C1orf21: variants seen among roughly 807,000 people sequenced by gnomAD.
The protein encoded by C1orf21 is chromosome 1 open reading frame 21.
A neutral mutation model predicts 18.7 loss-of-function variants in C1orf21; 3 were observed. That is an observed-to-expected ratio of 0.16 (90% CI 0.07 to 0.42). The LOEUF is 0.42. C1orf21 is among the 10% of genes least tolerant of loss of function. The pLI is 0.99. For missense variants in C1orf21, 104 were observed against 143.6 expected (o/e 0.72, Z 1.41); for synonymous variants, 41 against 46.4 (o/e 0.88, Z 0.47).
chr1:184,601,548 C>G (rs1214919988), intron 5 of C1orf21, among the ~76,000 whole-genome samples: 1 of 152,132 alleles, frequency 6.6e-6, no homozygotes, highest in African/African-American at 2.4e-5. Context: ...CACAGCTGAA[C>G]AAGTGGTTTT....
chr1:184,624,836 C>T lies in C1orf21; in HGVS notation c.*5280C>T, dbSNP rs1358581453. ...GTTCCTCTTCTTGCTTCTTGAATCA[C>T]ATCCTCTAAAGATGACTCATGTCTC... On this transcript the variant is annotated 3_prime_UTR_variant, in exon 6 of 6. Transcript: ENST00000235307. The T allele has an allele frequency of 6.6e-6, 1 of 152,226 alleles. No homozygotes were observed. The highest frequency in any genetic ancestry group is 2.4e-5 in the African/African-American group (1 of 41,452). 9.4% of individuals were successfully genotyped at this position (152,226 alleles called of 1,614,324 possible). A position where few individuals can be genotyped will look rare whatever the true frequency, so the allele number is the denominator to read the frequency against.
intron 2 of C1orf21, among the ~76,000 whole-genome samples, chr1:184,481,922 A>G (rs909258539): frequency 6.6e-6 from 1 of 152,226 alleles, no homozygotes; most frequent in African/African-American, 2.4e-5. Flanking sequence ...TGACGAGTTA[A>G]GGTCTTGTCT....
intron 4 of C1orf21, among the ~76,000 whole-genome samples, chr1:184,592,936 T>C (rs1659459853): frequency 6.6e-6 from 1 of 152,312 alleles, no homozygotes; most frequent in South Asian, 2.1e-4. Flanking sequence ...ATGCGGCTGA[T>C]GTTTTCACCC....
chr1:184,424,897 C>G (rs543384609), intron 1 of C1orf21, among the ~76,000 whole-genome samples: 12 of 152,164 alleles, frequency 7.9e-5, no homozygotes, highest in African/African-American at 2.9e-4. Flanking sequence ...ATAGTATTTG[C>G]GAGCACATGT....
chr1:184,389,127 G>T (rs1655932553), intron 1 of C1orf21, among the ~76,000 whole-genome samples: 1 of 152,042 alleles, frequency 6.6e-6, no homozygotes, highest in Non-Finnish European at 1.5e-5. Context: ...ATGCAGCGTT[G>T]AAAGAGGATG....
At chr1:184,462,534 C>A (rs1657323010) in intron 1 of C1orf21, among the ~76,000 whole-genome samples, 1 of 152,096 alleles carries the variant, frequency 6.6e-6, no homozygotes, top group Non-Finnish European at 1.5e-5. Flanking sequence ...TAGGAGGTCT[C>A]TTGACATTCT....
At chr1:184,608,715 C>T (rs577999969) in intron 5 of C1orf21, among the ~76,000 whole-genome samples, 1 of 152,296 alleles carries the variant, frequency 6.6e-6, no homozygotes, top group Non-Finnish European at 1.5e-5. Context: ...CCAAAGTGCT[C>T]ATTCCCAGAA....
rs144722885 is a variant in C1orf21 at position 184,401,395 on chromosome 1, A to G, written c.-125+14027A>G. 7.0e-3 allele frequency among the ~76,000 whole-genome samples: 1,068 copies of G among 151,496 alleles called. 9 individuals carry two copies. The highest frequency in any genetic ancestry group is 0.024 in the African/African-American group (1,010 of 41,226). On this transcript the variant is annotated intron_variant, in intron 1 of 5. Transcript: ENST00000235307. The stretch of plus-strand genomic sequence containing the variant: ...ACCACCATGCCCTGCTAATTTTTGT[A>G]TTTTTCGTAAAGACGGGGTTTCGCC...
At chr1:184,612,695 A>G (rs1659755452) in intron 5 of C1orf21, among the ~76,000 whole-genome samples, 1 of 152,202 alleles carries the variant, frequency 6.6e-6, no homozygotes, top group African/African-American at 2.4e-5. Context: ...AACAAAAAAA[A>G]GCCCACTGAA....
At chr1:184,401,011 A>G (rs1368325774) in intron 1 of C1orf21, among the ~76,000 whole-genome samples, 1 of 152,182 alleles carries the variant, frequency 6.6e-6, no homozygotes, top group Non-Finnish European at 1.5e-5. Context: ...CCAATAGAAA[A>G]ACATTGTACA....
At chr1:184,556,154 G>A (rs1022463633) in intron 3 of C1orf21, among the ~76,000 whole-genome samples, 1 of 152,062 alleles carries the variant, frequency 6.6e-6, no homozygotes, top group Admixed American at 6.6e-5. Flanking sequence ...GATTCTCATG[G>A]GGTTTTATTT....
chr1:184,579,549 C>T (rs1191576088), intron 3 of C1orf21, among the ~76,000 whole-genome samples: 6 of 129,984 alleles, frequency 4.6e-5, no homozygotes, highest in East Asian at 2.3e-4. Context: ...TCACTCTTGT[C>T]GCCCAGGCTG....
At chr1:184,604,068 G>C (rs1659619860) in intron 5 of C1orf21, among the ~76,000 whole-genome samples, 1 of 152,208 alleles carries the variant, frequency 6.6e-6, no homozygotes, top group Non-Finnish European at 1.5e-5. Flanking sequence ...TTCATCCAGT[G>C]AAGAGAGTGA....
intron 3 of C1orf21, among the ~76,000 whole-genome samples, chr1:184,588,519 G>A (rs897447079): frequency 2.4e-4 from 37 of 152,138 alleles, no homozygotes; most frequent in African/African-American, 7.5e-4. Context: ...AAATCCCTGC[G>A]CTACTGCTTA....
At chr1:184,528,636 G>A (rs941710570) in intron 3 of C1orf21, among the ~76,000 whole-genome samples, 30 of 152,104 alleles carry the variant, frequency 2.0e-4, no homozygotes, top group African/African-American at 7.0e-4. Flanking sequence ...GTAGAGACAA[G>A]GTTTCAGCAT....
In C1orf21 at chr1:184,622,131, G is replaced by T. The variant is rs1659926165; in HGVS notation, c.*2575G>T. On this transcript the variant is annotated 3_prime_UTR_variant, in exon 6 of 6. Coordinates refer to ENST00000235307, the MANE Select transcript of C1orf21 (RefSeq NM_030806.4). ...GTGTATCTGAACATTAAGCAGATTG[G>T]CTCAGACACAATGAAAAGGATAATC... 4 of 152,128 alleles carry T rather than the reference G, an allele frequency of 2.6e-5. No individual in the cohort carries two copies. Among genetic ancestry groups the T allele is most frequent in the Admixed American group, 2.6e-4 (4 of 15,280 alleles). 9.4% of individuals were successfully genotyped at this position (152,128 alleles called of 1,614,324 possible). A position where few individuals can be genotyped will look rare whatever the true frequency, so the allele number is the denominator to read the frequency against.
rs1418520126 is a variant in C1orf21 at position 184,555,637 on chromosome 1, A to AC, written c.190-35102_190-35101insC. Among the ~76,000 whole-genome samples, 12 of 145,474 alleles carry AC rather than the reference A, an allele frequency of 8.2e-5. No individual in the cohort carries two copies. The East Asian group carries it at 2.4e-3, about 30-fold the overall frequency. ...TGGGCCAGAGCAGCCTTGTGCCCCC[A>AC]TTTTTTTTCTTTTGGTGAAACTCAC... On this transcript the variant is annotated intron_variant, in intron 3 of 5. Coordinates refer to ENST00000235307, the MANE Select transcript of C1orf21 (RefSeq NM_030806.4).
chr1:184,607,201 G>T (rs1358925270), intron 5 of C1orf21, among the ~76,000 whole-genome samples: 1 of 152,174 alleles, frequency 6.6e-6, no homozygotes, highest in Non-Finnish European at 1.5e-5. Flanking sequence ...GATTGTTGGA[G>T]GCTTGCTTAG....
chr1:184,524,054 A>G (rs1043238912), intron 3 of C1orf21, among the ~76,000 whole-genome samples: 2 of 152,170 alleles, frequency 1.3e-5, no homozygotes, highest in African/African-American at 4.8e-5. Context: ...TTCAGTTGTT[A>G]TTTATAAACA....
Sources: allele counts gnomAD v4.1 joint callset (sites outside exome capture counted in the v4.1 genomes callset), GRCh38; gene constraint gnomAD v4.1.1; transcripts MANE v1.5; gene names NCBI Gene and HGNC (gene_info 2026-07-23, HGNC 2026-07-21).